NUMBL: variants seen among roughly 807,000 people sequenced by gnomAD.
The protein encoded by NUMBL is numb-like protein.
In NUMBL, 20 loss-of-function variants were observed where a neutral mutation model predicts 48.9. The observed-to-expected ratio is 0.41, with a 90% CI of 0.29 to 0.59. NUMBL has a LOEUF of 0.59. Ranked by LOEUF, NUMBL falls within the 20% of genes least tolerant of loss-of-function variation. NUMBL has a pLI of 0.31. For synonymous variants in NUMBL, 340 were observed against 348.7 expected (o/e 0.98, Z 0.28); for missense variants, 660 against 846.2 (o/e 0.78, Z 2.73).
chr19:40,678,737 CAA>C (rs1437465678), intron 6 of NUMBL, among the ~76,000 whole-genome samples: 1 of 152,082 alleles, frequency 6.6e-6, no homozygotes, highest in East Asian at 1.9e-4. Flanking sequence ...AATCTGGAAA[CAA>C]ATACGAATTC....
chr19:40,689,211 C>T (rs2081949488), intron 1 of NUMBL, among the ~76,000 whole-genome samples: 2 of 152,178 alleles, frequency 1.3e-5, no homozygotes, highest in Non-Finnish European at 2.9e-5. Flanking sequence ...CATACTGTCA[C>T]ATACCCAGTT....
intron 2 of NUMBL, chr19:40,684,955 T>C: frequency 9.6e-6 from 2 of 208,348 alleles, no homozygotes; most frequent in Non-Finnish European, 2.0e-5. Flanking sequence ...CTAGAGGGCA[T>C]AGAAGTCAGG....
chr19:40,681,486 C>T (rs1772038775), intron 5 of NUMBL, among the ~76,000 whole-genome samples: 1 of 152,172 alleles, frequency 6.6e-6, no homozygotes, highest in African/African-American at 2.4e-5. Context: ...ACCCAACTCT[C>T]AGCATGTCCT....
chr19:40,683,047 C>T (rs374044018), intron 3 of NUMBL, 79 bp from the exon 4 acceptor site: 3 of 1,221,748 alleles, frequency 2.5e-6, no homozygotes, highest in Non-Finnish European at 3.6e-6. Context: ...GAGCATCTGC[C>T]ATGCAGTAGA....
chr19:40,688,105 C>T lies in NUMBL; in HGVS notation c.25-1110G>A, dbSNP rs1023095173. ...TCCCCAAGGATGGCCTCCCTCAAGA[C>T]ACAGCCATGGTGGTCCTATAGGCAT... On this transcript the variant is annotated intron_variant, in intron 1 of 9. Coordinates refer to ENST00000252891, the MANE Select transcript of NUMBL (RefSeq NM_004756.5). The surrounding 1 kb of genome is among the most constrained non-coding windows in gnomAD (Gnocchi z 4.6). 6.6e-6 allele frequency among the ~76,000 whole-genome samples: 1 copy of T among 152,340 alleles called. No individual in the cohort carries two copies. Among genetic ancestry groups the T allele is most frequent in the African/African-American group, 2.4e-5 (1 of 41,566 alleles).
At position 40,668,150 on chromosome 19, in the gene NUMBL, A is replaced by C. The variant is rs765941425; in HGVS notation, c.1160-12T>G. Reference sequence around the variant, plus strand: ...CCAGGCAGAAGTCCCTGGAGAGAGGAGAGGGACAGGTGAGGGAGGGGGCAA... The same window carrying C: ...CCAGGCAGAAGTCCCTGGAGAGAGGCGAGGGACAGGTGAGGGAGGGGGCAA... On this transcript the variant is annotated splice_polypyrimidine_tract_variant and intron_variant, in intron 9 of 9. Coordinates refer to ENST00000252891, the MANE Select transcript of NUMBL (RefSeq NM_004756.5). The C allele has an allele frequency of 1.1e-5, 18 of 1,581,106 alleles. No individual in the cohort carries two copies. In the East Asian group the frequency reaches 4.1e-4, roughly 36 times the overall value.
chr19:40,689,462 C>T (rs7258370), intron 1 of NUMBL: 21,545 of 153,110 alleles, frequency 0.14, 2,044 homozygotes, highest in Non-Finnish European at 0.21. Context: ...GCAGCGTACG[C>T]GTGCACACAC....
rs906944662 is a variant in NUMBL at position 40,690,524 on chromosome 19, G to A, written c.-41C>T. 5.2e-5 allele frequency: 64 copies of A among 1,221,002 alleles called. No homozygotes were observed. Among genetic ancestry groups the A allele is most frequent in the Non-Finnish European group, 6.1e-5 (59 of 974,752 alleles). 75.6% of individuals were successfully genotyped at this position (1,221,002 alleles called of 1,614,324 possible). On this transcript the variant is annotated 5_prime_UTR_variant, in exon 1 of 10. Coordinates refer to ENST00000252891, the MANE Select transcript of NUMBL (RefSeq NM_004756.5). ...CCCCGCCTCCCGCGGCCCTGGCTGG[G>A]CCTGGCTCCCCGACTGCTGCTGCTG...
At chr19:40,689,038 GTCAC>G (rs1450225168) in intron 1 of NUMBL, among the ~76,000 whole-genome samples, 4 of 152,266 alleles carry the variant, frequency 2.6e-5, no homozygotes, top group Non-Finnish European at 4.4e-5. Flanking sequence ...ACAGGTGTGT[GTCAC>G]TCACGTATAT....
At position 40,684,508 on chromosome 19, in the gene NUMBL, T is replaced by C; in HGVS notation, c.158A>G (p.Lys53Arg). The change falls in exon 3 of 10, where the codon AAG (lysine) becomes AGG (arginine). Residue 53 changes from lysine (K) to arginine (R), a missense_variant. Physicochemically the swap from Lys to Arg is conservative, Grantham distance 26 (BLOSUM62 2). Around this residue, in one of 3 missense-constraint regions of NUMBL, gnomAD observed 86 missense variants for 85.9 expected, o/e 1.00. Transcript: ENST00000252891. ...NKLRQSLRRR[K>R]PAYVPEASRP... Reference sequence around the variant, plus strand: ...CGACGCCTCGGGCACGTAGGCTGGCTTCCTCCGCCGCAGGCTCTGCCGTAA... The same window carrying C: ...CGACGCCTCGGGCACGTAGGCTGGCCTCCTCCGCCGCAGGCTCTGCCGTAA... 6.2e-7 allele frequency: 1 copy of C among 1,605,370 alleles called. No homozygotes were observed. The highest frequency in any genetic ancestry group is 8.5e-7 in the Non-Finnish European group (1 of 1,176,528).
rs369122101 is a variant in NUMBL, at chr19:40,682,704, C to T, written c.399+24G>A. 3.1e-6 allele frequency: 5 copies of T among 1,609,872 alleles called. No homozygotes were observed. Among genetic ancestry groups the T allele is most frequent in the Admixed American group, 1.7e-5 (1 of 59,744 alleles). ...CAGGGTGAGCAGACAGGCCCCCTGG[C>T]GTCCACCCCCACAGGCCTCCTACCT... On this transcript the variant is annotated intron_variant, in intron 5 of 9. Coordinates refer to ENST00000252891, the MANE Select transcript of NUMBL (RefSeq NM_004756.5). This position sits in a 1 kb window ranked among gnomAD's most constrained non-coding sequence, Gnocchi z 4.0.
At chr19:40,678,080 G>A (rs975319416) in intron 6 of NUMBL, among the ~76,000 whole-genome samples, 1 of 152,164 alleles carries the variant, frequency 6.6e-6, no homozygotes, top group African/African-American at 2.4e-5. Flanking sequence ...CAATGTGCTG[G>A]TATTTGGAGG....
In NUMBL at chr19:40,686,981, C is replaced by T; in HGVS notation, c.39G>A (p.Arg13=). ...GGGCTGGGGGCAGGTGCCGCTCAGG[C>T]CTCCGGGGTCCGCCCTGCCCGAGTA... ...RSAAASGGPR[R]PERHLPPAPC... Residue 13 remains arginine, a synonymous_variant, in exon 2 of 10, where the codon AGG becomes AGA. Transcript: ENST00000252891. The T allele has an allele frequency of 6.6e-7, 1 of 1,519,672 alleles. No homozygotes were observed. The highest frequency in any genetic ancestry group is 8.8e-7 in the Non-Finnish European group (1 of 1,135,666). The allele number at this position is 1,519,672 out of a possible 1,614,324, so 94.1% of individuals were successfully genotyped here. A position where few individuals can be genotyped will look rare whatever the true frequency, so the allele number is the denominator to read the frequency against.
intron 7 of NUMBL, among the ~76,000 whole-genome samples, chr19:40,674,234 G>C (rs997406926): frequency 6.6e-6 from 1 of 152,104 alleles, no homozygotes; most frequent in African/African-American, 2.4e-5. Flanking sequence ...GTCTTTCTCT[G>C]TCACTGTCTG....
intron 7 of NUMBL, among the ~76,000 whole-genome samples, chr19:40,675,820 T>A (rs1335718383): frequency 3.3e-5 from 5 of 152,152 alleles, no homozygotes; most frequent in Non-Finnish European, 7.4e-5. Context: ...CCATTCAATA[T>A]ACTCTGATAT....
intron 2 of NUMBL, among the ~76,000 whole-genome samples, chr19:40,686,550 A>ATGTG (rs60843360): frequency 0.066 from 10,021 of 151,498 alleles, 396 homozygotes; most frequent in East Asian, 0.21. Flanking sequence ...TTGTCTAGGA[A>ATGTG]TGTGTGTGTG....
chr19:40,678,658 C>A (rs996675105), intron 6 of NUMBL, among the ~76,000 whole-genome samples: 2 of 152,022 alleles, frequency 1.3e-5, no homozygotes, highest in African/African-American at 4.8e-5. Context: ...TTAAGCCACA[C>A]AGTCTACACT....
chr19:40,671,264 C>T (rs925539410), intron 8 of NUMBL, among the ~76,000 whole-genome samples: 2 of 152,118 alleles, frequency 1.3e-5, no homozygotes, highest in Non-Finnish European at 2.9e-5. Context: ...CAGGTGTGAG[C>T]CACCACGTCT....
chr19:40,680,841 G>A (rs2081901396), intron 6 of NUMBL, 76 bp downstream of exon 6: 2 of 1,517,760 alleles, frequency 1.3e-6, no homozygotes, highest in Admixed American at 3.4e-5. Flanking sequence ...GTGCCTGAAT[G>A]CAGGAAGCTT....
Sources: allele counts gnomAD v4.1 joint callset (sites outside exome capture counted in the v4.1 genomes callset), GRCh38; gene constraint gnomAD v4.1.1; regional missense constraint gnomAD v4.1.1; non-coding constraint Gnocchi (gnomAD v3.1); transcripts MANE v1.5; gene names NCBI Gene and HGNC (gene_info 2026-07-23, HGNC 2026-07-21).